PTPRE: variants seen among roughly 807,000 people sequenced by gnomAD.
The protein encoded by PTPRE is protein tyrosine phosphatase receptor type E, also known as receptor-type tyrosine-protein phosphatase epsilon.
PTPRE carries 51 observed loss-of-function variants against 102.0 expected under a neutral mutation model. The ratio of observed to expected loss-of-function variants is 0.50; its 90% CI spans 0.40 to 0.63. The LOEUF (loss-of-function observed/expected upper bound fraction) is 0.63, where lower values mean the gene tolerates loss of function less well. PTPRE is among the 30% of genes least tolerant of loss of function. The pLI is 0.00. For missense variants in PTPRE, 752 were observed against 915.1 expected, an observed-to-expected ratio of 0.82 and a Z score of 2.30; for synonymous variants, 345 against 348.2, an observed-to-expected ratio of 0.99 and a Z score of 0.10.
chr10:128,013,962 C>T (rs960055209), intron 2 of PTPRE, among the ~76,000 whole-genome samples: 15 of 152,154 alleles, frequency 9.9e-5, no homozygotes, highest in Admixed American at 2.0e-4. Context: ...TGCATGTGTG[C>T]GTGCAGGAGG....
intron 2 of PTPRE, among the ~76,000 whole-genome samples, chr10:128,036,125 G>A (rs1217709486): frequency 6.6e-6 from 1 of 150,730 alleles, no homozygotes; most frequent in African/African-American, 2.5e-5. Context: ...TCCTACCCTG[G>A]GTGTGTACCT....
At chr10:127,993,133 AAGAC>A (rs1261275468) in intron 2 of PTPRE, among the ~76,000 whole-genome samples, 1 of 152,146 alleles carries the variant, frequency 6.6e-6, no homozygotes, top group Non-Finnish European at 1.5e-5. Context: ...AGGTCTATGA[AAGAC>A]AGAGAACTAC....
intron 2 of PTPRE, among the ~76,000 whole-genome samples, chr10:127,982,756 G>C (rs976767952): frequency 2.6e-5 from 4 of 152,140 alleles, no homozygotes; most frequent in Non-Finnish European, 4.4e-5. Context: ...AGCTTCTCCG[G>C]ATTGCATGCT....
intron 2 of PTPRE, among the ~76,000 whole-genome samples, chr10:128,031,960 G>A (rs2135746879): frequency 6.6e-6 from 1 of 152,156 alleles, no homozygotes; most frequent in East Asian, 1.9e-4. Flanking sequence ...TGCTATCCCT[G>A]TGTCCTGTCC....
At chr10:128,002,853 C>G (rs61873728) in intron 2 of PTPRE, among the ~76,000 whole-genome samples, 1 of 151,380 alleles carries the variant, frequency 6.6e-6, no homozygotes, top group African/African-American at 2.4e-5. Context: ...ACCACCATAC[C>G]GGACTAATTA....
At chr10:127,914,502 T>C (rs139121797) in intron 1 of PTPRE, among the ~76,000 whole-genome samples, 1 of 152,350 alleles carries the variant, frequency 6.6e-6, no homozygotes, top group East Asian at 1.9e-4. Flanking sequence ...AGGTTGTTAC[T>C]GAGGTAACAT....
intron 2 of PTPRE, among the ~76,000 whole-genome samples, chr10:128,015,964 C>T (rs10829317): frequency 0.66 from 99,677 of 152,048 alleles, 32,878 homozygotes; most frequent in African/African-American, 0.7. Flanking sequence ...CTTTAGGACA[C>T]GAGCTGCGTG....
intron 18 of PTPRE, among the ~76,000 whole-genome samples, 159 bp from the exon 19 acceptor site, chr10:128,077,458 G>A (rs1851308251): frequency 6.6e-6 from 1 of 152,206 alleles, no homozygotes; most frequent in African/African-American, 2.4e-5. Flanking sequence ...GGACAAGCAG[G>A]TTTCAGCCTT....
chr10:128,040,009 C>T (rs1018767536), intron 2 of PTPRE, among the ~76,000 whole-genome samples: 2 of 152,182 alleles, frequency 1.3e-5, no homozygotes, highest in Non-Finnish European at 2.9e-5. Flanking sequence ...CATGAAAGAG[C>T]CTTTTTCTGT....
intron 2 of PTPRE, among the ~76,000 whole-genome samples, chr10:128,011,179 C>A (rs2135613629): frequency 6.6e-6 from 1 of 152,260 alleles, no homozygotes; most frequent in East Asian, 1.9e-4. Context: ...TGTTAAATTT[C>A]TTGGCTGGGG....
At chr10:128,027,333 C>T (rs936686446) in intron 2 of PTPRE, among the ~76,000 whole-genome samples, 5 of 152,212 alleles carry the variant, frequency 3.3e-5, no homozygotes, top group African/African-American at 9.7e-5. Flanking sequence ...TCTCCCTCCT[C>T]GGCTGCTTTT....
At chr10:128,054,532 C>T (rs1031126854) in intron 6 of PTPRE, among the ~76,000 whole-genome samples, 6 of 152,058 alleles carry the variant, frequency 3.9e-5, no homozygotes, top group African/African-American at 1.4e-4. Flanking sequence ...CCACCTATCA[C>T]CCTTGCCACA....
At chr10:128,021,676 A>T (rs1399993044) in intron 2 of PTPRE, among the ~76,000 whole-genome samples, 1 of 152,250 alleles carries the variant, frequency 6.6e-6, no homozygotes, top group Non-Finnish European at 1.5e-5. Flanking sequence ...TCTTCTCACC[A>T]GTCAGTCAGA....
intron 2 of PTPRE, among the ~76,000 whole-genome samples, chr10:128,003,225 G>C (rs1854152990): frequency 6.6e-6 from 1 of 152,124 alleles, no homozygotes; most frequent in South Asian, 2.1e-4. Context: ...AAACCACTCA[G>C]CACACGCCTG....
intron 1 of PTPRE, among the ~76,000 whole-genome samples, chr10:127,910,204 T>C (rs1845772448): frequency 1.3e-5 from 2 of 152,202 alleles, no homozygotes; most frequent in South Asian, 4.1e-4. Context: ...GTTTTTCTTT[T>C]GGCTTTCTTC....
At chr10:128,048,260 G>T (rs1564925896) in intron 5 of PTPRE, among the ~76,000 whole-genome samples, 2 of 152,216 alleles carry the variant, frequency 1.3e-5, no homozygotes, top group Non-Finnish European at 2.9e-5. Context: ...TGTTTACAGA[G>T]CATCAGAGTC....
At chr10:127,987,513 G>T (rs996793833) in intron 2 of PTPRE, 1 of 401,644 alleles carries the variant, frequency 2.5e-6, no homozygotes, top group Non-Finnish European at 4.2e-6. Context: ...GGAAGGCGTC[G>T]TTAAATGAAA....
At chr10:127,958,812 GT>G (rs1849582140) in intron 1 of PTPRE, among the ~76,000 whole-genome samples, 1 of 151,398 alleles carries the variant, frequency 6.6e-6, no homozygotes, top group Non-Finnish European at 1.5e-5. Flanking sequence ...TGACTCATCT[GT>G]GCCTGGTCCT....
intron 6 of PTPRE, among the ~76,000 whole-genome samples, chr10:128,052,458 G>A (rs1227880477): frequency 6.6e-6 from 1 of 152,158 alleles, no homozygotes; most frequent in Non-Finnish European, 1.5e-5. Context: ...ACCTCTGCCT[G>A]TTTCCTCATC....
Sources: gnomAD v4.1 joint callset for allele counts (sites outside exome capture counted in the v4.1 genomes callset) on GRCh38, gnomAD v4.1.1 for gene constraint, MANE v1.5 for transcripts, NCBI Gene and HGNC (gene_info 2026-07-23, HGNC 2026-07-21) for gene names.